RTTN: variants seen among roughly 807,000 people sequenced by gnomAD.
RTTN encodes rotatin.
RTTN carries 182 observed loss-of-function variants against 269.2 expected under a neutral mutation model. That is an observed-to-expected ratio of 0.68 (90% CI 0.60 to 0.76). The LOEUF is 0.76. RTTN is among the 30% of genes least tolerant of loss of function. The pLI is 0.00. For missense variants in RTTN, 2,545 were observed against 2,608.6 expected, an observed-to-expected ratio of 0.98 and a Z score of 0.53; for synonymous variants, 1,006 against 963.5, an observed-to-expected ratio of 1.04 and a Z score of -0.82.
At position 70,020,821 on chromosome 18, in the gene RTTN, CA is replaced by C; in HGVS notation, c.5951-5del. 2 of 1,606,072 alleles carry C rather than the reference CA, an allele frequency of 1.2e-6. No homozygotes were observed. Among genetic ancestry groups the C allele is most frequent in the Non-Finnish European group, 1.7e-6 (2 of 1,175,926 alleles). ...GACCAACAAAGAGAACTGCAACCTT[CA>C]AAAATAACAGCCTATCACAATGTCT... On this transcript the variant is annotated splice_region_variant and splice_polypyrimidine_tract_variant and intron_variant, in intron 44 of 48. Transcript: ENST00000640769.
At chr18:70,118,939 A>G (rs1464540491) in intron 26 of RTTN, among the ~76,000 whole-genome samples, 1 of 152,116 alleles carries the variant, frequency 6.6e-6, no homozygotes, top group Non-Finnish European at 1.5e-5. Flanking sequence ...TCCCAACACA[A>G]TAAAGGCCAT....
rs5825997 is a variant in RTTN, at chr18:70,162,886, G to GAA, written c.1929+3174_1929+3175dup. On this transcript the variant is annotated intron_variant, in intron 14 of 48. Transcript: ENST00000640769. The stretch of plus-strand genomic sequence containing the variant: ...TACCCCCAACCCTAAAATAAAAGTT[G>GAA]AAAAAAAAAAAAAAAAAACAGAAAC... 9.3e-3 allele frequency among the ~76,000 whole-genome samples: 467 copies of GAA among 50,134 alleles called. 10 individuals carry two copies. Among genetic ancestry groups the GAA allele is most frequent in the South Asian group, 0.029 (30 of 1,022 alleles). 32.9% of individuals were successfully genotyped at this position (50,134 alleles called of 152,430 possible).
At chr18:70,195,051 A>T (rs1201771381) in intron 7 of RTTN, among the ~76,000 whole-genome samples, 1 of 152,202 alleles carries the variant, frequency 6.6e-6, no homozygotes, top group African/African-American at 2.4e-5. Context: ...TTCTCACTAC[A>T]CTTCAAAGAA....
chr18:70,073,930 A>G lies in RTTN; in HGVS notation c.4629T>C (p.Ser1543=). The G allele has an allele frequency of 1.2e-6, 2 of 1,611,586 alleles. No homozygotes were observed. Among genetic ancestry groups the G allele is most frequent in the Non-Finnish European group, 1.7e-6 (2 of 1,178,142 alleles). The part of the protein sequence containing the change: ...PSRTSQDRDP[S]SLSTSETTVA... ...CCGTTGTTTCTGAGGTGGAGAGAGAACTTGGATCTCGATCCTGACTTGTCC... is the reference window on the plus strand; with the variant it reads ...CCGTTGTTTCTGAGGTGGAGAGAGAGCTTGGATCTCGATCCTGACTTGTCC... The change falls in exon 34 of 49, where the codon AGT becomes AGC. Residue 1543 remains serine, a synonymous_variant. Coordinates refer to ENST00000640769, the MANE Select transcript of RTTN (RefSeq NM_173630.4).
At chr18:70,127,876 G>A (rs1267780330) in intron 24 of RTTN, 135 bp from the exon 25 acceptor site, 2 of 767,124 alleles carry the variant, frequency 2.6e-6, no homozygotes, top group Non-Finnish European at 4.1e-6. Context: ...CTTACAGCCA[G>A]AAGAAAAACT....
At chr18:70,203,458 T>A (rs892434124) in intron 3 of RTTN, among the ~76,000 whole-genome samples, 6 of 152,158 alleles carry the variant, frequency 3.9e-5, no homozygotes, top group Admixed American at 3.3e-4. Flanking sequence ...CTTCCCAAAG[T>A]GCCGGGATTA....
chr18:70,164,687 A>C (rs1446293182), intron 14 of RTTN, among the ~76,000 whole-genome samples: 3 of 152,198 alleles, frequency 2.0e-5, no homozygotes, highest in Non-Finnish European at 4.4e-5. Flanking sequence ...GGGTAAACTA[A>C]GAAGGTCTAA....
chr18:70,162,221 C>T (rs1200252155), intron 14 of RTTN, among the ~76,000 whole-genome samples: 2 of 152,128 alleles, frequency 1.3e-5, no homozygotes, highest in African/African-American at 2.4e-5. Context: ...AACATGGATG[C>T]AACCAGAGGC....
chr18:70,135,136 T>C (rs2060093267), intron 22 of RTTN, 48 bp downstream of exon 22: 2 of 1,058,916 alleles, frequency 1.9e-6, no homozygotes, highest in Non-Finnish European at 2.8e-6. Context: ...ATCAGATACC[T>C]GAGATAAATA....
rs534075540 is a variant in RTTN, at chr18:70,125,411, G to A, written c.3383+2091C>T. On this transcript the variant is annotated intron_variant, in intron 25 of 48. Transcript: ENST00000640769. ...GACAATTTCAAAATATCTGAGCAAA[G>A]CCAGAATTATTCTAACATACACACT... Among the ~76,000 whole-genome samples, 10 of 152,044 alleles carry A rather than the reference G, an allele frequency of 6.6e-5. No homozygotes were observed. The East Asian group carries it at 1.9e-3, about 29-fold the overall frequency.
chr18:70,090,118 G>A (rs991237761), intron 30 of RTTN, among the ~76,000 whole-genome samples: 1 of 152,202 alleles, frequency 6.6e-6, no homozygotes. Flanking sequence ...GACATTGCCA[G>A]TTTGAACTAA....
intron 28 of RTTN, among the ~76,000 whole-genome samples, chr18:70,105,666 T>G (rs1459093943): frequency 6.6e-6 from 1 of 152,196 alleles, no homozygotes; most frequent in South Asian, 2.1e-4. Context: ...CCAGTGAAAT[T>G]CATATTAAAT....
At chr18:70,064,060 G>A (rs1340465916) in intron 35 of RTTN, among the ~76,000 whole-genome samples, 15 of 149,202 alleles carry the variant, frequency 1.0e-4, no homozygotes, top group African/African-American at 3.5e-4. Context: ...ATTTGTGGAC[G>A]GGCATGGTGG....
chr18:70,052,822 TGAGAA>T (rs199641370), intron 38 of RTTN, among the ~76,000 whole-genome samples: 1 of 152,026 alleles, frequency 6.6e-6, no homozygotes, highest in East Asian at 1.9e-4. Context: ...TTGCTAGATA[TGAGAA>T]AACAATTTTT....
intron 10 of RTTN, among the ~76,000 whole-genome samples, chr18:70,181,312 C>T (rs932200613): frequency 2.6e-5 from 4 of 152,122 alleles, no homozygotes; most frequent in African/African-American, 9.7e-5. Context: ...GAATATAGAC[C>T]TAAGAGTCTA....
chr18:70,106,135 C>A (rs144370189), intron 28 of RTTN, among the ~76,000 whole-genome samples: 1 of 152,164 alleles, frequency 6.6e-6, no homozygotes, highest in East Asian at 1.9e-4. Flanking sequence ...ATCATTTGCG[C>A]CAAAGAATTC....
chr18:70,054,098 ACTTACATTCTAAACTAAAACAATTAAG>A lies in RTTN; in HGVS notation c.5185+6_5185+32del, dbSNP rs764191114. ...AAGTTTTTTTTCCTCAGTATTATTCACTTACATTCTAAACTAAAACAATTAAGCTTACCTAATACATCTTTGGTACAT... is the reference window on the plus strand; with the variant it reads ...AAGTTTTTTTTCCTCAGTATTATTCACTTACCTAATACATCTTTGGTACAT... On this transcript the variant is annotated splice_donor_region_variant and intron_variant, in intron 38 of 48. Coordinates refer to ENST00000640769, the MANE Select transcript of RTTN (RefSeq NM_173630.4). 5 of 1,566,682 alleles carry A rather than the reference ACTTACATTCTAAACTAAAACAATTAAG, an allele frequency of 3.2e-6. No individual in the cohort carries two copies. In the Admixed American group the frequency reaches 8.6e-5, roughly 27 times the overall value.
intron 27 of RTTN, among the ~76,000 whole-genome samples, chr18:70,110,580 G>A (rs772718429): frequency 3.9e-5 from 6 of 152,200 alleles, no homozygotes; most frequent in South Asian, 2.1e-4. Flanking sequence ...AGATTCCCTC[G>A]GTTGCCTACC....
intron 14 of RTTN, among the ~76,000 whole-genome samples, chr18:70,155,548 G>A (rs2060650535): frequency 6.6e-6 from 1 of 152,204 alleles, no homozygotes; most frequent in Admixed American, 6.5e-5. Flanking sequence ...GCCCACTCTT[G>A]CAACGATCCT....
Sources: gnomAD v4.1 joint callset for allele counts (sites outside exome capture counted in the v4.1 genomes callset) on GRCh38, gnomAD v4.1.1 for gene constraint, MANE v1.5 for transcripts, NCBI Gene and HGNC (gene_info 2026-07-23, HGNC 2026-07-21) for gene names.